DPP6: variants seen among roughly 807,000 people sequenced by gnomAD.
DPP6 encodes the protein dipeptidyl peptidase like 6.
DPP6 carries 69 observed loss-of-function variants against 122.6 expected under a neutral mutation model. That is an observed-to-expected ratio of 0.56 (90% CI 0.46 to 0.69). DPP6 has a LOEUF of 0.69. Among genes scored for constraint, DPP6 ranks in the 30% least tolerant of loss-of-function variants. The probability of loss-of-function intolerance (pLI) is 0.00; values close to 1 mark genes in which losing one functional copy is unlikely to be tolerated. For missense variants in DPP6, 928 were observed against 1,116.9 expected (o/e 0.83, Z 2.41); for synonymous variants, 418 against 433.1 (o/e 0.97, Z 0.43).
chr7:154,489,116 C>T (rs1399663536), intron 3 of DPP6, among the ~76,000 whole-genome samples: 3 of 152,170 alleles, frequency 2.0e-5, no homozygotes, highest in Non-Finnish European at 4.4e-5. Flanking sequence ...CTTGACTGCC[C>T]CTTTTTCTCT....
At chr7:153,777,365 G>C in the DPP6 span, among the ~76,000 whole-genome samples, 2 of 148,062 alleles carry the variant, frequency 1.4e-5, no homozygotes, top group Admixed American at 6.9e-5. Context: ...CTCCCACATG[G>C]TCCAGGCATC....
At chr7:153,796,621 G>T in the DPP6 span, among the ~76,000 whole-genome samples, 16 of 152,242 alleles carry the variant, frequency 1.1e-4, 1 homozygote, top group South Asian at 3.3e-3. Context: ...TATAATTTGT[G>T]CTAAAAATAT....
chr7:154,391,709 CA>C (rs1563593392), intron 1 of DPP6, among the ~76,000 whole-genome samples: 1 of 152,164 alleles, frequency 6.6e-6, no homozygotes, highest in Non-Finnish European at 1.5e-5. Flanking sequence ...TGCTTATCAG[CA>C]AAGATGTTGG....
chr7:154,744,865 G>C (rs1271453201), intron 8 of DPP6, among the ~76,000 whole-genome samples: 1 of 152,168 alleles, frequency 6.6e-6, no homozygotes, highest in Admixed American at 6.5e-5. Flanking sequence ...GGTCCAGGGA[G>C]CCCAGGGAGC....
chr7:154,078,648 G>C (rs187857999), intron 1 of DPP6, among the ~76,000 whole-genome samples: 9 of 152,226 alleles, frequency 5.9e-5, no homozygotes, highest in African/African-American at 2.2e-4. Flanking sequence ...TTGGAGGCTA[G>C]AAAGATTTGG....
At chr7:154,395,744 T>A (rs1008093244) in intron 1 of DPP6, among the ~76,000 whole-genome samples, 2 of 152,156 alleles carry the variant, frequency 1.3e-5, no homozygotes, top group African/African-American at 2.4e-5. Context: ...CTTTCTTTTT[T>A]TATTTTTGGT....
intron 4 of DPP6, among the ~76,000 whole-genome samples, chr7:154,542,349 A>G (rs1017656340): frequency 2.0e-5 from 3 of 152,090 alleles, no homozygotes; most frequent in Non-Finnish European, 4.4e-5. Flanking sequence ...ATATTAATAG[A>G]GAGGATAAAA....
chr7:154,501,552 G>A (rs1825248606), intron 3 of DPP6, among the ~76,000 whole-genome samples: 1 of 152,208 alleles, frequency 6.6e-6, no homozygotes, highest in Non-Finnish European at 1.5e-5. Context: ...AGCTTCAGAG[G>A]GTGCAAGCCC....
chr7:154,260,264 A>T (rs980491411), intron 1 of DPP6, among the ~76,000 whole-genome samples: 11 of 152,084 alleles, frequency 7.2e-5, no homozygotes. Context: ...GTTGAGCAGG[A>T]GTGTGTTGTG....
intron 3 of DPP6, among the ~76,000 whole-genome samples, chr7:154,513,592 G>A (rs1403520484): frequency 2.0e-5 from 3 of 152,118 alleles, no homozygotes; most frequent in African/African-American, 7.2e-5. Flanking sequence ...ACTCAGCTCT[G>A]CCTTTTCATC....
intron 5 of DPP6, among the ~76,000 whole-genome samples, chr7:154,612,526 G>T (rs1833976709): frequency 6.6e-6 from 1 of 152,142 alleles, no homozygotes; most frequent in African/African-American, 2.4e-5. Context: ...CATGGTATTG[G>T]TGTAACAGTT....
rs147964221 is a variant in DPP6, at chr7:154,174,506, C to G, written c.243+121443C>G. On this transcript the variant is annotated intron_variant, in intron 1 of 25. Transcript: ENST00000377770. ...TAAATCCTTGGAATTGATACATACA[C>G]AAAGCCGTCACTCATCACAAATGAT... Among the ~76,000 whole-genome samples the G allele has an allele frequency of 3.1e-4, 47 of 152,316 alleles. 1 individual carries two copies. The East Asian group carries it at 8.3e-3, about 27-fold the overall frequency.
In DPP6 at chr7:154,008,724, C is replaced by T. The variant is rs372159597; in HGVS notation, c.51+120990C>T. On this transcript the variant is annotated intron_variant, in intron 1 of 25. Coordinates refer to the DPP6 transcript ENST00000404039. ...TCGCCCAGGCTGGAGTGCAGTGGCG[C>T]GATCTCGGCTCACTGCAAGCTCCGC... Among the ~76,000 whole-genome samples the T allele has an allele frequency of 4.0e-4, 58 of 146,228 alleles. No individual in the cohort carries two copies. In the East Asian group the frequency reaches 1.0e-2, roughly 25 times the overall value.
chr7:154,528,725 A>G (rs988510094), intron 3 of DPP6, among the ~76,000 whole-genome samples: 1 of 152,222 alleles, frequency 6.6e-6, no homozygotes, highest in African/African-American at 2.4e-5. Flanking sequence ...ATAAAATAGG[A>G]TGAATGAAGT....
intron 1 of DPP6, among the ~76,000 whole-genome samples, chr7:154,159,742 T>C (rs1261583998): frequency 1.3e-5 from 2 of 152,306 alleles, no homozygotes; most frequent in African/African-American, 4.8e-5. Context: ...TACAGGGTCC[T>C]TCTATACAGG....
At chr7:154,122,573 G>A (rs1458755651) in intron 1 of DPP6, among the ~76,000 whole-genome samples, 1 of 152,106 alleles carries the variant, frequency 6.6e-6, no homozygotes, top group Non-Finnish European at 1.5e-5. Context: ...CTTCATGTGG[G>A]TAATAGAAGT....
At chr7:154,218,349 G>A (rs1800120211) in intron 1 of DPP6, among the ~76,000 whole-genome samples, 1 of 152,146 alleles carries the variant, frequency 6.6e-6, no homozygotes. Flanking sequence ...ATGTGAAGGG[G>A]CAGCTTATCT....
intron 1 of DPP6, among the ~76,000 whole-genome samples, chr7:154,310,483 A>C (rs2150996517): frequency 6.6e-6 from 1 of 152,368 alleles, no homozygotes; most frequent in Non-Finnish European, 1.5e-5. Context: ...CTTTTGGTGC[A>C]ACCCAAACTC....
chr7:154,758,004 G>A (rs556063229), intron 8 of DPP6, among the ~76,000 whole-genome samples: 2 of 148,534 alleles, frequency 1.3e-5, no homozygotes, highest in African/African-American at 2.5e-5. Context: ...CTCCCGCCAC[G>A]CACGGCCTCC....
Sources: allele counts gnomAD v4.1 joint callset (sites outside exome capture counted in the v4.1 genomes callset), GRCh38; gene constraint gnomAD v4.1.1; transcripts MANE v1.5; gene names NCBI Gene and HGNC (gene_info 2026-07-23, HGNC 2026-07-21).